The following SLC41A2 variants were observed in gnomAD, a reference collection of about 807,000 sequenced individuals.
SLC41A2 encodes the protein SLC41A1-like 1.
A neutral mutation model predicts 58.3 loss-of-function variants in SLC41A2; 32 were observed. The ratio of observed to expected loss-of-function variants is 0.55; its 90% CI spans 0.41 to 0.74. The LOEUF is 0.74. SLC41A2 is among the 30% of genes least tolerant of loss of function. The pLI is 0.00. For synonymous variants in SLC41A2, 190 were observed against 235.0 expected (o/e 0.81, Z 1.75); for missense variants, 514 against 680.6 (o/e 0.76, Z 2.72).
chr12:104,922,347 C>A (rs1406519744), intron 2 of SLC41A2, among the ~76,000 whole-genome samples: 1 of 151,612 alleles, frequency 6.6e-6, no homozygotes, highest in Non-Finnish European at 1.5e-5. Context: ...AACTAGAAAC[C>A]AAGAAAAGAG....
chr12:104,922,636 CAAAG>C (rs924373593), intron 2 of SLC41A2, among the ~76,000 whole-genome samples: 2 of 152,144 alleles, frequency 1.3e-5, no homozygotes, highest in African/African-American at 4.8e-5. Context: ...AGAAAATCAA[CAAAG>C]AAACACTGGA....
At chr12:104,936,029 C>T (rs1280908824) in intron 1 of SLC41A2, among the ~76,000 whole-genome samples, 3 of 140,426 alleles carry the variant, frequency 2.1e-5, no homozygotes, top group Non-Finnish European at 3.1e-5. Flanking sequence ...GGCAACAGAG[C>T]GAGACTGTCT....
At chr12:104,929,996 A>C (rs2046991861) in intron 1 of SLC41A2, among the ~76,000 whole-genome samples, 1 of 152,204 alleles carries the variant, frequency 6.6e-6, no homozygotes, top group Non-Finnish European at 1.5e-5. Context: ...TGGTTCATCA[A>C]TTCCATCACT....
intron 1 of SLC41A2, among the ~76,000 whole-genome samples, chr12:104,949,423 T>C (rs921259721): frequency 2.0e-5 from 3 of 152,188 alleles, no homozygotes; most frequent in Non-Finnish European, 4.4e-5. Context: ...ATTAAGATCA[T>C]CCTTTACACA....
At position 104,866,378 on chromosome 12, in the gene SLC41A2, A is replaced by ACG. The variant is rs1216681180; in HGVS notation, c.1175+52_1175+53dup. 2.7e-5 allele frequency: 38 copies of ACG among 1,422,718 alleles called. No individual in the cohort carries two copies. The African/African-American group carries it at 7.5e-4, about 28-fold the overall frequency. The allele number at this position is 1,422,718 out of a possible 1,614,324, so 88.1% of individuals were successfully genotyped here. A position where few individuals can be genotyped will look rare whatever the true frequency, so the allele number is the denominator to read the frequency against. ...ATAGAAGACACACAAAGACAGACAG[A>ACG]CGTACACACACACACACACACACAC... On this transcript the variant is annotated intron_variant, in intron 7 of 10. Coordinates refer to ENST00000258538, the MANE Select transcript of SLC41A2 (RefSeq NM_001352171.3).
At chr12:104,921,473 A>G (rs1423624325) in intron 2 of SLC41A2, among the ~76,000 whole-genome samples, 1 of 151,724 alleles carries the variant, frequency 6.6e-6, no homozygotes, top group Non-Finnish European at 1.5e-5. Context: ...GTGAAATAAC[A>G]TTTTCAAAAT....
At chr12:104,872,637 G>A (rs757455897) in intron 6 of SLC41A2, among the ~76,000 whole-genome samples, 8 of 152,152 alleles carry the variant, frequency 5.3e-5, no homozygotes, top group Non-Finnish European at 1.2e-4. Context: ...GGAGGCTGAG[G>A]CAGAACTGCT....
rs189403828 is a variant in SLC41A2 at position 104,882,507 on chromosome 12, A to G, written c.1027+3786T>C. 6.4e-3 allele frequency among the ~76,000 whole-genome samples: 977 copies of G among 152,216 alleles called. 14 individuals carry two copies. The highest frequency in any genetic ancestry group is 9.1e-3 in the Non-Finnish European group (621 of 68,012). On this transcript the variant is annotated intron_variant, in intron 6 of 10. Transcript: ENST00000258538. ...CTTCCTTCAGGAGCTCTTTTAGGGC[A>G]GGCCTGGTGGTGACAAAATCTCTCA...
chr12:104,910,969 C>G (rs2046059283), intron 2 of SLC41A2, among the ~76,000 whole-genome samples: 1 of 152,196 alleles, frequency 6.6e-6, no homozygotes, highest in African/African-American at 2.4e-5. Context: ...CATTTACCAT[C>G]TATTCTCTCT....
At chr12:104,851,503 C>A (rs547376325) in intron 8 of SLC41A2, among the ~76,000 whole-genome samples, 16 of 152,168 alleles carry the variant, frequency 1.1e-4, no homozygotes, top group Non-Finnish European at 2.4e-4. Context: ...CCTGCCTTAG[C>A]CGCTTGCGTA....
At chr12:104,950,551 G>A (rs992981628) in intron 1 of SLC41A2, among the ~76,000 whole-genome samples, 2 of 151,992 alleles carry the variant, frequency 1.3e-5, no homozygotes, top group Admixed American at 6.6e-5. Context: ...CTGTGAGAAC[G>A]GACTAACACA....
intron 1 of SLC41A2, among the ~76,000 whole-genome samples, chr12:104,938,920 A>G (rs886900177): frequency 1.3e-5 from 2 of 152,246 alleles, no homozygotes; most frequent in Non-Finnish European, 2.9e-5. Flanking sequence ...GCTTCCAAAC[A>G]TTTGAATCTC....
chr12:104,958,302 C>A (rs142612500), upstream of SLC41A2: 765 of 149,358 alleles, frequency 5.1e-3, 19 homozygotes, highest in East Asian at 0.09. Flanking sequence ...GCCCGGCCGT[C>A]GGCGCCCGCG....
chr12:104,818,707 T>G (rs1356224157), intron 10 of SLC41A2, among the ~76,000 whole-genome samples: 1 of 151,992 alleles, frequency 6.6e-6, no homozygotes, highest in Non-Finnish European at 1.5e-5. Context: ...TGAAACCCCA[T>G]CTCTACTAAA....
In SLC41A2 at chr12:104,928,157, G is replaced by C; in HGVS notation, c.371C>G (p.Ser124Ter). 6.2e-7 allele frequency: 1 copy of C among 1,614,086 alleles called. No individual in the cohort carries two copies. The highest frequency in any genetic ancestry group is 8.5e-7 in the Non-Finnish European group (1 of 1,179,992). The part of the protein sequence containing the change: ...NYNYCDGRET[S>*]ETTAMLQDED... ...ATCTTGTAACATGGCAGTGGTTTCT[G>C]AAGTCTCCCTTCCATCACAGTAATT... is the stretch of plus-strand genomic sequence containing the variant. The change falls in exon 2 of 11, where the codon TCA (serine) becomes TGA (stop). Residue 124 changes from serine (S) to a stop codon, truncating the protein, a stop_gained. Coordinates refer to ENST00000258538, the MANE Select transcript of SLC41A2 (RefSeq NM_001352171.3). LOFTEE classifies it high-confidence loss of function.
At chr12:104,858,078 C>T (rs2043084289) in intron 8 of SLC41A2, among the ~76,000 whole-genome samples, 1 of 152,122 alleles carries the variant, frequency 6.6e-6, no homozygotes. Context: ...GTTTGTTTAA[C>T]TTAATGTTTA....
intron 3 of SLC41A2, among the ~76,000 whole-genome samples, chr12:104,905,163 A>C (rs1180041308): frequency 6.6e-6 from 1 of 152,068 alleles, no homozygotes; most frequent in Non-Finnish European, 1.5e-5. Flanking sequence ...CTAGATACAG[A>C]GTGTCGATTG....
intron 6 of SLC41A2, among the ~76,000 whole-genome samples, chr12:104,878,316 T>C (rs928127448): frequency 2.0e-5 from 3 of 148,070 alleles, no homozygotes; most frequent in African/African-American, 7.5e-5. Flanking sequence ...TATATATATA[T>C]ATATATATAT....
chr12:104,950,908 G>A (rs1446162750), intron 1 of SLC41A2, among the ~76,000 whole-genome samples: 1 of 152,148 alleles, frequency 6.6e-6, no homozygotes, highest in African/African-American at 2.4e-5. Flanking sequence ...TACCTCTAAG[G>A]AACTGGGTAT....
Sources: allele counts gnomAD v4.1 joint callset (sites outside exome capture counted in the v4.1 genomes callset), GRCh38; gene constraint gnomAD v4.1.1; transcripts MANE v1.5; gene names NCBI Gene and HGNC (gene_info 2026-07-23, HGNC 2026-07-21).